Variants in MBTD1 observed in about 807,000 individuals in gnomAD.
MBTD1 encodes the protein mbt domain containing 1.
Under a neutral mutation model 87.8 loss-of-function variants are expected in MBTD1, and 24 were observed. The observed-to-expected ratio is 0.27, with a 90% CI of 0.20 to 0.38. The LOEUF (loss-of-function observed/expected upper bound fraction) is 0.38. Among genes scored for constraint, MBTD1 ranks in the 10% least tolerant of loss-of-function variants. MBTD1 has a pLI of 1.00. For missense variants in MBTD1, 436 were observed against 760.2 expected (o/e 0.57, Z 5.02); for synonymous variants, 237 against 248.6 (o/e 0.95, Z 0.44).
In MBTD1 at chr17:51,180,345, T is replaced by G; in HGVS notation, c.*231A>C. Reference sequence around the variant, plus strand: ...ACTTGGAAAATATTACAAAATTCTTTCAAAAGCTTCAAATACAACACAAAA... The same window carrying G: ...ACTTGGAAAATATTACAAAATTCTTGCAAAAGCTTCAAATACAACACAAAA... On this transcript the variant is annotated 3_prime_UTR_variant, in exon 17 of 17. Transcript: ENST00000586178. 7.5e-6 allele frequency: 3 copies of G among 400,340 alleles called. No homozygotes were observed. Among genetic ancestry groups the G allele is most frequent in the Non-Finnish European group, 1.3e-5 (3 of 226,908 alleles). 24.8% of individuals were successfully genotyped at this position (400,340 alleles called of 1,614,324 possible). A position where few individuals can be genotyped will look rare whatever the true frequency, so the allele number is the denominator to read the frequency against.
rs2050220573 is a variant in MBTD1, at chr17:51,179,508, A to ATATATATATATATATATATATATT, written c.*1067_*1068insAATATATATATATATATATATATA. On this transcript the variant is annotated 3_prime_UTR_variant, in exon 17 of 17. Coordinates refer to ENST00000586178, the MANE Select transcript of MBTD1 (RefSeq NM_017643.3). ...TTTATATATATATATATATATATAT[A>ATATATATATATATATATATATATT]TATATATATATATATATATATATAT... is the stretch of plus-strand genomic sequence containing the variant. 7 of 83,784 alleles carry ATATATATATATATATATATATATT rather than the reference A, an allele frequency of 8.4e-5. No homozygotes were observed. Among genetic ancestry groups the ATATATATATATATATATATATATT allele is most frequent in the African/African-American group, 2.7e-4 (6 of 22,528 alleles). 5.2% of individuals were successfully genotyped at this position (83,784 alleles called of 1,614,324 possible).
chr17:51,205,371 G>A (rs1441291202), intron 7 of MBTD1, among the ~76,000 whole-genome samples: 1 of 152,222 alleles, frequency 6.6e-6, no homozygotes, highest in Non-Finnish European at 1.5e-5. Flanking sequence ...ATCGGAGATG[G>A]AAGGCAGAAG....
chr17:51,213,413 A>C (rs2143452192), intron 6 of MBTD1, among the ~76,000 whole-genome samples: 1 of 152,304 alleles, frequency 6.6e-6, no homozygotes, highest in Admixed American at 6.5e-5. Flanking sequence ...TACTAATAGA[A>C]AATAATCTGT....
At chr17:51,246,558 T>C (rs942800851) in intron 2 of MBTD1, among the ~76,000 whole-genome samples, 17 of 152,244 alleles carry the variant, frequency 1.1e-4, no homozygotes, top group African/African-American at 3.1e-4. Flanking sequence ...GGTAGTTTTG[T>C]CACTGATTTT....
chr17:51,226,377 G>A (rs1426864140), intron 2 of MBTD1, among the ~76,000 whole-genome samples: 3 of 151,128 alleles, frequency 2.0e-5, no homozygotes, highest in African/African-American at 4.9e-5. Context: ...TTAGCTGAGT[G>A]TGGTGGCACG....
intron 2 of MBTD1, among the ~76,000 whole-genome samples, chr17:51,257,567 A>C (rs1479217448): frequency 6.6e-6 from 1 of 152,240 alleles, no homozygotes; most frequent in African/African-American, 2.4e-5. Flanking sequence ...GGTTTAGATA[A>C]TAAGGTCAAC....
At chr17:51,219,566 C>T (rs1457146442) in intron 4 of MBTD1, among the ~76,000 whole-genome samples, 1 of 152,126 alleles carries the variant, frequency 6.6e-6, no homozygotes, top group African/African-American at 2.4e-5. Flanking sequence ...TGCTCAGGAT[C>T]TTTAGGTACT....
intron 13 of MBTD1, among the ~76,000 whole-genome samples, chr17:51,194,537 C>A (rs1181895759): frequency 7.3e-6 from 1 of 137,696 alleles, no homozygotes; most frequent in East Asian, 2.1e-4. Flanking sequence ...CCCCTGCATT[C>A]CAGCCTGGGT....
At chr17:51,234,560 G>C (rs1167925947) in intron 2 of MBTD1, among the ~76,000 whole-genome samples, 1 of 152,092 alleles carries the variant, frequency 6.6e-6, no homozygotes, top group African/African-American at 2.4e-5. Context: ...CACTCATAAA[G>C]AAACATACCT....
chr17:51,260,478 G>C, upstream of MBTD1: 1 of 1,247,440 alleles, frequency 8.0e-7, no homozygotes, highest in Admixed American at 2.8e-5. Flanking sequence ...AGGCTGCGCA[G>C]GCTCCTTCCG....
chr17:51,259,698 T>G (rs2055348593), intron 1 of MBTD1, 137 bp downstream of exon 1: 2 of 724,896 alleles, frequency 2.8e-6, no homozygotes, highest in Admixed American at 4.5e-5. Flanking sequence ...GGAGGGGGGC[T>G]CCGGAGGTTG....
intron 2 of MBTD1, among the ~76,000 whole-genome samples, chr17:51,236,643 G>C (rs556131692): frequency 6.6e-6 from 1 of 152,296 alleles, no homozygotes; most frequent in East Asian, 1.9e-4. Context: ...TGTGGCACAA[G>C]GCCCGAGGCA....
chr17:51,207,886 A>T (rs1220505824), intron 6 of MBTD1, among the ~76,000 whole-genome samples: 3 of 152,218 alleles, frequency 2.0e-5, no homozygotes, highest in African/African-American at 7.2e-5. Flanking sequence ...AACACTAAAC[A>T]GTTTGTGTTG....
chr17:51,186,934 C>T (rs1325147303), intron 16 of MBTD1, among the ~76,000 whole-genome samples: 2 of 151,992 alleles, frequency 1.3e-5, no homozygotes, highest in African/African-American at 4.8e-5. Flanking sequence ...CTCATATAAG[C>T]CCAAACACTG....
At chr17:51,221,889 T>TACC (rs1278028043) in intron 3 of MBTD1, among the ~76,000 whole-genome samples, 12 of 152,192 alleles carry the variant, frequency 7.9e-5, no homozygotes, top group Admixed American at 4.6e-4. Context: ...CCCCCATGGA[T>TACC]ACCAGGGGAC....
chr17:51,226,458 A>G (rs2053223610), intron 2 of MBTD1, among the ~76,000 whole-genome samples: 1 of 151,308 alleles, frequency 6.6e-6, no homozygotes, highest in Non-Finnish European at 1.5e-5. Flanking sequence ...AGTTGAGATC[A>G]TGCCACTGCA....
intron 2 of MBTD1, among the ~76,000 whole-genome samples, chr17:51,253,018 A>T (rs1438808127): frequency 6.6e-6 from 1 of 151,966 alleles, no homozygotes; most frequent in African/African-American, 2.4e-5. Context: ...TGGGACAAGG[A>T]CCATTTTTTT....
In MBTD1 at chr17:51,222,491, G is replaced by A. The variant is rs146226751; in HGVS notation, c.155-2028C>T. 1.8e-3 allele frequency among the ~76,000 whole-genome samples: 270 copies of A among 152,076 alleles called. 2 individuals carry two copies. The highest frequency in any genetic ancestry group is 0.014 in the Middle Eastern group (4 of 294). On this transcript the variant is annotated intron_variant, in intron 3 of 16. Coordinates refer to ENST00000586178, the MANE Select transcript of MBTD1 (RefSeq NM_017643.3). ...ACCATCTCGGCTCACTACAACCTCCGCCTTCCGGATTCAAGCAATTCTCCT... is the reference window on the plus strand; with the variant it reads ...ACCATCTCGGCTCACTACAACCTCCACCTTCCGGATTCAAGCAATTCTCCT...
chr17:51,230,120 T>C (rs2053469292), intron 2 of MBTD1, among the ~76,000 whole-genome samples: 1 of 152,228 alleles, frequency 6.6e-6, no homozygotes, highest in South Asian at 2.1e-4. Flanking sequence ...TTTTAGGTAT[T>C]TCTATAAATC....
Sources: allele counts gnomAD v4.1 joint callset (sites outside exome capture counted in the v4.1 genomes callset), GRCh38; gene constraint gnomAD v4.1.1; transcripts MANE v1.5; gene names NCBI Gene and HGNC (gene_info 2026-07-23, HGNC 2026-07-21).